MAPK10: variants seen among roughly 807,000 people sequenced by gnomAD.
MAPK10 encodes the protein JNK3 alpha protein kinase.
In MAPK10, 25 loss-of-function variants were observed where a neutral mutation model predicts 59.3. The ratio of observed to expected loss-of-function variants is 0.42; its 90% CI spans 0.31 to 0.59. MAPK10 has a LOEUF of 0.59. MAPK10 is among the 20% of genes least tolerant of loss of function. The pLI is 0.15. For missense variants in MAPK10, 351 were observed against 568.9 expected, an observed-to-expected ratio of 0.62 and a Z score of 3.90; for synonymous variants, 190 against 200.5, an observed-to-expected ratio of 0.95 and a Z score of 0.44.
chr4:86,198,636 T>A (rs1203174343), intron 2 of MAPK10, among the ~76,000 whole-genome samples: 2 of 151,960 alleles, frequency 1.3e-5, no homozygotes, highest in African/African-American at 4.8e-5. Flanking sequence ...AAACTTTAAA[T>A]AATATAGAAG....
intron 5 of MAPK10, among the ~76,000 whole-genome samples, chr4:86,106,054 C>A (rs1474296935): frequency 1.3e-5 from 2 of 152,072 alleles, no homozygotes; most frequent in Non-Finnish European, 2.9e-5. Flanking sequence ...TTTTCTTCAC[C>A]ATCTAGATCT....
chr4:86,147,704 C>T (rs2149199319), intron 4 of MAPK10, among the ~76,000 whole-genome samples: 1 of 152,182 alleles, frequency 6.6e-6, no homozygotes, highest in East Asian at 1.9e-4. Flanking sequence ...TGCCATATAT[C>T]TGTGATATTT....
intron 1 of MAPK10, among the ~76,000 whole-genome samples, chr4:86,547,648 G>T (rs1759339932): frequency 6.6e-6 from 1 of 152,210 alleles, no homozygotes; most frequent in African/African-American, 2.4e-5. Context: ...CCGGCGGCAG[G>T]CAGGGAGCTC....
Position 86,227,810 on chromosome 4 carries a change from C to G in MAPK10, c.-6-33403G>C, listed in dbSNP as rs79805178. 7.7e-4 allele frequency among the ~76,000 whole-genome samples: 117 copies of G among 152,330 alleles called. 1 individual carries two copies. Among genetic ancestry groups the G allele is most frequent in the African/African-American group, 2.8e-3 (116 of 41,576 alleles). ...CTGTTTCTTTCCTGTCCTTACCTCA[C>G]ATTTTGTTTTAACCCTGAATTACTT... On this transcript the variant is annotated intron_variant, in intron 2 of 13. Coordinates refer to ENST00000641462, the MANE Select transcript of MAPK10 (RefSeq NM_138982.4).
chr4:86,547,999 TA>T (rs1031940312), intron 1 of MAPK10, among the ~76,000 whole-genome samples: 2 of 152,166 alleles, frequency 1.3e-5, no homozygotes, highest in Non-Finnish European at 2.9e-5. Flanking sequence ...GACAAGAGAA[TA>T]AAAGCAGGCT....
intron 3 of MAPK10, chr4:86,164,610 C>T (rs957627591): frequency 6.9e-6 from 1 of 145,304 alleles, no homozygotes; most frequent in African/African-American, 2.7e-5. Flanking sequence ...TTTAGTGAGT[C>T]ACAGAAATAT....
At chr4:86,390,053 T>A (rs1263588252) in intron 1 of MAPK10, among the ~76,000 whole-genome samples, 4 of 152,216 alleles carry the variant, frequency 2.6e-5, no homozygotes, top group African/African-American at 9.6e-5. Context: ...ATTTATTCAT[T>A]CCAAGTAAGG....
intron 2 of MAPK10, among the ~76,000 whole-genome samples, chr4:86,251,510 A>AT (rs1471560177): frequency 3.7e-5 from 5 of 136,664 alleles, no homozygotes; most frequent in Non-Finnish European, 6.2e-5. Context: ...TGAACTCATC[A>AT]TTTTTTATGG....
At chr4:86,032,866 A>G (rs973498657) in intron 11 of MAPK10, among the ~76,000 whole-genome samples, 2 of 152,204 alleles carry the variant, frequency 1.3e-5, no homozygotes, top group Non-Finnish European at 2.9e-5. Context: ...ACATTCTTTT[A>G]GCACGTTTGA....
At chr4:86,520,673 G>A (rs1215813522) in intron 1 of MAPK10, among the ~76,000 whole-genome samples, 1 of 152,012 alleles carries the variant, frequency 6.6e-6, no homozygotes, top group African/African-American at 2.4e-5. Flanking sequence ...GATCTTTTGG[G>A]GGTGTGATAG....
rs1314924443 is a variant in MAPK10, at chr4:86,011,758, A to C, written c.*5470T>G. Reference sequence around the variant, plus strand: ...CTGTTGCTTTCTATATTCCAACAGGAACTAGGTAAAACGATAAATGTGATA... The same window carrying C: ...CTGTTGCTTTCTATATTCCAACAGGCACTAGGTAAAACGATAAATGTGATA... On this transcript the variant is annotated 3_prime_UTR_variant, in exon 14 of 14. Transcript: ENST00000641462. The C allele has an allele frequency of 6.6e-6, 1 of 152,204 alleles. No individual in the cohort carries two copies. The highest frequency in any genetic ancestry group is 1.5e-5 in the Non-Finnish European group (1 of 68,036). The allele number at this position is 152,204 out of a possible 1,614,324, so 9.4% of individuals were successfully genotyped here. A position where few individuals can be genotyped will look rare whatever the true frequency, so the allele number is the denominator to read the frequency against.
intron 4 of MAPK10, among the ~76,000 whole-genome samples, chr4:86,108,445 T>C (rs539111693): frequency 5.3e-5 from 8 of 152,262 alleles, no homozygotes; most frequent in African/African-American, 1.2e-4. Context: ...AGAAGTAACA[T>C]TGACCATTGA....
chr4:86,292,774 C>G (rs1295045402), intron 2 of MAPK10, among the ~76,000 whole-genome samples: 3 of 152,056 alleles, frequency 2.0e-5, no homozygotes, highest in African/African-American at 7.2e-5. Flanking sequence ...GCCTACAAGT[C>G]AAAGGGTGAG....
At chr4:86,584,049 G>T (rs1762494880) in intron 1 of MAPK10, among the ~76,000 whole-genome samples, 1 of 152,206 alleles carries the variant, frequency 6.6e-6, no homozygotes, top group Non-Finnish European at 1.5e-5. Context: ...ATGTCTGTGT[G>T]TGTGCATGCA....
chr4:86,061,298 C>T (rs1178347120), intron 11 of MAPK10, among the ~76,000 whole-genome samples: 2 of 152,132 alleles, frequency 1.3e-5, no homozygotes, highest in African/African-American at 2.4e-5. Flanking sequence ...AGAGTTAGAG[C>T]ATCTTCTATT....
At chr4:86,312,206 A>T (rs1273974181) in intron 2 of MAPK10, among the ~76,000 whole-genome samples, 2 of 152,126 alleles carry the variant, frequency 1.3e-5, no homozygotes, top group Non-Finnish European at 2.9e-5. Context: ...GCAGCTTGTG[A>T]CCACATGAAA....
At chr4:86,070,348 CTT>C (rs894340170) in intron 9 of MAPK10, among the ~76,000 whole-genome samples, 3 of 136,480 alleles carry the variant, frequency 2.2e-5, no homozygotes, top group Admixed American at 7.2e-5. Context: ...ATTTTTCTTT[CTT>C]TTTTTTTTTG....
At chr4:86,190,874 G>A (rs907972857) in intron 3 of MAPK10, among the ~76,000 whole-genome samples, 2 of 152,000 alleles carry the variant, frequency 1.3e-5, no homozygotes, top group Non-Finnish European at 2.9e-5. Context: ...TTTCTCCTGT[G>A]GGCATTTAGT....
intron 8 of MAPK10, 73 bp downstream of exon 8, chr4:86,100,979 T>C (rs534679716): frequency 7.5e-7 from 1 of 1,331,788 alleles, no homozygotes; most frequent in East Asian, 2.3e-5. Context: ...AAAGAGAACA[T>C]TCCCCTTGGC....
Sources: gnomAD v4.1 joint callset for allele counts (sites outside exome capture counted in the v4.1 genomes callset) on GRCh38, gnomAD v4.1.1 for gene constraint, MANE v1.5 for transcripts, NCBI Gene and HGNC (gene_info 2026-07-23, HGNC 2026-07-21) for gene names.